The following TMEM132D variants were observed in gnomAD, a reference collection of about 807,000 sequenced individuals.
TMEM132D encodes the protein mature OL transmembrane protein.
A neutral mutation model predicts 62.3 loss-of-function variants in TMEM132D; 21 were observed. The observed-to-expected ratio is 0.34, with a 90% CI of 0.24 to 0.49. The LOEUF (loss-of-function observed/expected upper bound fraction) is 0.49. TMEM132D is among the 20% of genes least tolerant of loss of function. TMEM132D has a pLI of 0.99. For missense variants in TMEM132D, 1,346 were observed against 1,402.8 expected (o/e 0.96, Z 0.65); for synonymous variants, 621 against 575.6 (o/e 1.08, Z -1.13).
At chr12:129,821,269 C>G (rs945666172) in intron 1 of TMEM132D, among the ~76,000 whole-genome samples, 5 of 152,162 alleles carry the variant, frequency 3.3e-5, no homozygotes, top group Admixed American at 6.5e-5. Flanking sequence ...TCTTTGGGCA[C>G]AGAGAACTTA....
intron 2 of TMEM132D, among the ~76,000 whole-genome samples, chr12:129,565,129 C>T (rs1340727473): frequency 3.3e-5 from 5 of 152,226 alleles, no homozygotes; most frequent in African/African-American, 1.2e-4. Flanking sequence ...TTTCCCTGCT[C>T]TATGCCCTTC....
chr12:129,088,826 A>C (rs34942849), intron 5 of TMEM132D, among the ~76,000 whole-genome samples: 72 of 22,168 alleles, frequency 3.2e-3, no homozygotes, highest in African/African-American at 0.023. Context: ...GGTGTCCTCC[A>C]TGACCGGGAT....
intron 3 of TMEM132D, among the ~76,000 whole-genome samples, chr12:129,472,842 T>C (rs548743029): frequency 6.6e-6 from 1 of 152,168 alleles, no homozygotes; most frequent in Non-Finnish European, 1.5e-5. Flanking sequence ...AGTCAATCAA[T>C]GTAGGACACT....
At chr12:129,816,729 T>C (rs771795101) in intron 1 of TMEM132D, among the ~76,000 whole-genome samples, 1 of 152,250 alleles carries the variant, frequency 6.6e-6, no homozygotes, top group Non-Finnish European at 1.5e-5. Flanking sequence ...CACGGACTTA[T>C]TGTGAATTCA....
intron 3 of TMEM132D, among the ~76,000 whole-genome samples, chr12:129,374,498 G>A (rs930280358): frequency 6.6e-6 from 1 of 152,122 alleles, no homozygotes; most frequent in African/African-American, 2.4e-5. Flanking sequence ...GGGATTCATA[G>A]GTGAATTTAG....
intron 1 of TMEM132D, among the ~76,000 whole-genome samples, chr12:129,896,140 TTTTTG>T (rs141229938): frequency 0.3 from 45,690 of 150,446 alleles, 10,042 homozygotes; most frequent in African/African-American, 0.62. Context: ...TGGCTCATTT[TTTTTG>T]TTTTGTTTTG....
intron 1 of TMEM132D, among the ~76,000 whole-genome samples, chr12:129,875,243 A>G (rs947324046): frequency 2.6e-5 from 4 of 152,200 alleles, no homozygotes; most frequent in Admixed American, 6.5e-5. Flanking sequence ...TAGAAGCCAC[A>G]TTGTATTCAC....
intron 5 of TMEM132D, among the ~76,000 whole-genome samples, chr12:129,117,522 G>A (rs192260407): frequency 2.0e-5 from 3 of 152,076 alleles, no homozygotes; most frequent in East Asian, 1.9e-4. Context: ...TCCACATATC[G>A]GCTTACTTAA....
chr12:129,538,081 G>A lies in TMEM132D; in HGVS notation c.969-6876C>T, dbSNP rs1024574949. On this transcript the variant is annotated intron_variant, in intron 2 of 8. Coordinates refer to ENST00000422113, the MANE Select transcript of TMEM132D (RefSeq NM_133448.3). Reference sequence around the variant, plus strand: ...GACATCTAAAGATTTAAAGCAGAGCGATGTCCTCTGTCACTTCTGAGATTT... The same window carrying A: ...GACATCTAAAGATTTAAAGCAGAGCAATGTCCTCTGTCACTTCTGAGATTT... Among the ~76,000 whole-genome samples the A allele has an allele frequency of 4.6e-5, 7 of 152,294 alleles. No homozygotes were observed. In the South Asian group the frequency reaches 6.2e-4, roughly 14 times the overall value.
chr12:129,699,555 C>G (rs1051279535), intron 2 of TMEM132D, among the ~76,000 whole-genome samples: 5 of 152,146 alleles, frequency 3.3e-5, no homozygotes, highest in Admixed American at 6.5e-5. Context: ...AGGGAAAAGG[C>G]GTACCATCAG....
rs774206202 is a variant in TMEM132D, at chr12:129,073,799, C to T, written c.*76G>A. On this transcript the variant is annotated 3_prime_UTR_variant, in exon 9 of 9. Coordinates refer to ENST00000422113, the MANE Select transcript of TMEM132D (RefSeq NM_133448.3). Reference sequence around the variant, plus strand: ...TTGTCCTGCTGCTTTGTTTCTCTTCCGGGGGCACCGTTGCTACACATCCTG... The same window carrying T: ...TTGTCCTGCTGCTTTGTTTCTCTTCTGGGGGCACCGTTGCTACACATCCTG... 2.8e-5 allele frequency: 37 copies of T among 1,303,066 alleles called. No homozygotes were observed. The highest frequency in any genetic ancestry group is 4.3e-4 in the Middle Eastern group (2 of 4,620). 80.7% of individuals were successfully genotyped at this position (1,303,066 alleles called of 1,614,324 possible).
chr12:129,354,266 A>G (rs1869962602), intron 3 of TMEM132D, among the ~76,000 whole-genome samples: 1 of 151,828 alleles, frequency 6.6e-6, no homozygotes, highest in Non-Finnish European at 1.5e-5. Flanking sequence ...TTATTTTAGG[A>G]TTCTCCTGCA....
At chr12:129,247,299 C>G (rs977818050) in intron 4 of TMEM132D, among the ~76,000 whole-genome samples, 4 of 152,156 alleles carry the variant, frequency 2.6e-5, no homozygotes, top group Non-Finnish European at 5.9e-5. Flanking sequence ...GCAGTTCTCA[C>G]ATTTGCCATG....
intron 2 of TMEM132D, among the ~76,000 whole-genome samples, chr12:129,595,354 T>A (rs1016803813): frequency 6.6e-6 from 1 of 152,154 alleles, no homozygotes; most frequent in Non-Finnish European, 1.5e-5. Flanking sequence ...TTTGGTGCAA[T>A]GTTACTTTAG....
chr12:129,237,777 G>A (rs1248324749), intron 4 of TMEM132D, among the ~76,000 whole-genome samples: 1 of 152,030 alleles, frequency 6.6e-6, no homozygotes, highest in Non-Finnish European at 1.5e-5. Context: ...TCGGGAGTTT[G>A]AGACCAGCCT....
intron 7 of TMEM132D, among the ~76,000 whole-genome samples, chr12:129,081,381 C>T (rs1164604420): frequency 2.0e-5 from 3 of 152,166 alleles, no homozygotes; most frequent in Non-Finnish European, 4.4e-5. Context: ...TCGCTGCAAC[C>T]TCTGCTTCCC....
In TMEM132D at chr12:129,608,613, C is replaced by T. The variant is rs558528084; in HGVS notation, c.969-77408G>A. Reference sequence around the variant, plus strand: ...CACTGTTTCTGAAAAAATCATGTCGCGTTTACAGCTAAGAAAGAACCTACA... The same window carrying T: ...CACTGTTTCTGAAAAAATCATGTCGTGTTTACAGCTAAGAAAGAACCTACA... On this transcript the variant is annotated intron_variant, in intron 2 of 8. Coordinates refer to ENST00000422113, the MANE Select transcript of TMEM132D (RefSeq NM_133448.3). Among the ~76,000 whole-genome samples the T allele has an allele frequency of 7.2e-5, 11 of 152,268 alleles. No individual in the cohort carries two copies. The South Asian group carries it at 1.5e-3, about 20-fold the overall frequency.
At chr12:129,701,401 G>A (rs1322126123) in intron 1 of TMEM132D, among the ~76,000 whole-genome samples, 1 of 152,136 alleles carries the variant, frequency 6.6e-6, no homozygotes, top group Non-Finnish European at 1.5e-5. Context: ...TAGATGAGAT[G>A]AGGTGACCAC....
intron 5 of TMEM132D, among the ~76,000 whole-genome samples, chr12:129,156,493 C>T (rs1251897039): frequency 2.0e-5 from 3 of 152,084 alleles, no homozygotes; most frequent in Non-Finnish European, 4.4e-5. Context: ...TAGTTCACTC[C>T]CATGATAACC....
Sources: allele counts gnomAD v4.1 joint callset (sites outside exome capture counted in the v4.1 genomes callset), GRCh38; gene constraint gnomAD v4.1.1; transcripts MANE v1.5; gene names NCBI Gene and HGNC (gene_info 2026-07-23, HGNC 2026-07-21).